Variants in SLC24A3 observed in about 807,000 individuals in gnomAD.
SLC24A3 encodes solute carrier family 24 member 3, also known as sodium/potassium/calcium exchanger 3.
In SLC24A3, 28 loss-of-function variants were observed where a neutral mutation model predicts 75.8. The ratio of observed to expected loss-of-function variants is 0.37; its 90% CI spans 0.27 to 0.51. The LOEUF (loss-of-function observed/expected upper bound fraction) is 0.51. Ranked by LOEUF, SLC24A3 falls within the 20% of genes least tolerant of loss-of-function variation. The pLI is 0.94. For missense variants in SLC24A3, 663 were observed against 847.8 expected (o/e 0.78, Z 2.71); for synonymous variants, 372 against 334.1 (o/e 1.11, Z -1.24).
intron 2 of SLC24A3, among the ~76,000 whole-genome samples, chr20:19,438,216 G>C (rs1259641052): frequency 6.6e-6 from 1 of 152,200 alleles, no homozygotes; most frequent in African/African-American, 2.4e-5. Context: ...GCTGGTCTTT[G>C]AGCACACAAA....
At chr20:19,426,525 C>G (rs1331754254) in intron 2 of SLC24A3, among the ~76,000 whole-genome samples, 2 of 152,190 alleles carry the variant, frequency 1.3e-5, no homozygotes, top group African/African-American at 2.4e-5. Flanking sequence ...AATTGTTTAT[C>G]TAGCCAGTGT....
intron 3 of SLC24A3, among the ~76,000 whole-genome samples, chr20:19,540,488 A>G (rs894112071): frequency 1.3e-5 from 2 of 152,168 alleles, no homozygotes; most frequent in Non-Finnish European, 2.9e-5. Context: ...GGAAACGCAA[A>G]AGCTGTTCTT....
intron 12 of SLC24A3, among the ~76,000 whole-genome samples, chr20:19,685,715 T>C (rs1255236446): frequency 6.6e-6 from 1 of 152,154 alleles, no homozygotes; most frequent in Non-Finnish European, 1.5e-5. Context: ...GTGCTGCAGC[T>C]GAGGAGATAG....
intron 2 of SLC24A3, among the ~76,000 whole-genome samples, chr20:19,513,328 A>C (rs6112433): frequency 0.1 from 15,762 of 152,252 alleles, 883 homozygotes; most frequent in South Asian, 0.11. Flanking sequence ...ATGGAGCCCA[A>C]GCATGTTGCC....
chr20:19,295,684 T>C (rs1984040846), intron 2 of SLC24A3, among the ~76,000 whole-genome samples: 1 of 152,226 alleles, frequency 6.6e-6, no homozygotes, highest in African/African-American at 2.4e-5. Context: ...TGAACCAGCC[T>C]TGCATCAGGG....
intron 3 of SLC24A3, among the ~76,000 whole-genome samples, chr20:19,551,281 G>A (rs2030688927): frequency 6.6e-6 from 1 of 152,202 alleles, no homozygotes; most frequent in African/African-American, 2.4e-5. Context: ...TGGAATGCAT[G>A]AATTTGAAGT....
At chr20:19,272,126 G>A (rs1385767969) in intron 1 of SLC24A3, among the ~76,000 whole-genome samples, 3 of 152,204 alleles carry the variant, frequency 2.0e-5, no homozygotes, top group Non-Finnish European at 4.4e-5. Context: ...TGTGCTGCCC[G>A]CCCAGCCACT....
In SLC24A3 at chr20:19,721,090, G is replaced by C. The variant is rs1407295264; in HGVS notation, c.1885G>C (p.Glu629Gln). The C allele has an allele frequency of 2.5e-6, 4 of 1,614,028 alleles. No homozygotes were observed. In the African/African-American group the frequency reaches 5.3e-5, roughly 22 times the overall value. The change falls in exon 17 of 17, where the codon GAG (glutamate) becomes CAG (glutamine). Residue 629 changes from glutamate to glutamine, a missense_variant. Glu to Gln is a conservative substitution (Grantham distance 29, BLOSUM62 2). Around this residue, in one of 2 missense-constraint regions of SLC24A3, gnomAD observed 510 missense variants for 703.6 expected, o/e 0.72. Transcript: ENST00000328041. ...GTTCCTGTGCTTCTCCATCATGACTGAGTTCAACGTGTTCACCTTTGTGAA... is the reference window on the plus strand; with the variant it reads ...GTTCCTGTGCTTCTCCATCATGACTCAGTTCAACGTGTTCACCTTTGTGAA... ...GVFLCFSIMT[E>Q]FNVFTFVNLP... is the part of the protein sequence containing the mutation.
chr20:19,327,207 C>G (rs919491233), intron 2 of SLC24A3, among the ~76,000 whole-genome samples: 1 of 152,158 alleles, frequency 6.6e-6, no homozygotes, highest in Admixed American at 6.5e-5. Flanking sequence ...TTGAGCTTGT[C>G]CAGCTATTGA....
At chr20:19,333,596 A>G (rs1985049958) in intron 2 of SLC24A3, among the ~76,000 whole-genome samples, 1 of 151,740 alleles carries the variant, frequency 6.6e-6, no homozygotes, top group Non-Finnish European at 1.5e-5. Flanking sequence ...AGCAAACAAT[A>G]TGTTACTGGT....
intron 14 of SLC24A3, among the ~76,000 whole-genome samples, chr20:19,697,812 G>T (rs1265105015): frequency 6.6e-6 from 1 of 152,234 alleles, no homozygotes; most frequent in African/African-American, 2.4e-5. Context: ...GTATGCAGGT[G>T]TGAGCTCGGG....
chr20:19,552,091 T>A (rs1050554962), intron 3 of SLC24A3, among the ~76,000 whole-genome samples: 3 of 152,228 alleles, frequency 2.0e-5, no homozygotes, highest in African/African-American at 7.2e-5. Context: ...TTAGGGAAAC[T>A]TTTTCCCCGT....
intron 2 of SLC24A3, among the ~76,000 whole-genome samples, chr20:19,352,111 T>G (rs1287085199): frequency 4.1e-5 from 6 of 147,678 alleles, no homozygotes. Context: ...AGCCTTGGCC[T>G]GAACCATTGT....
intron 2 of SLC24A3, among the ~76,000 whole-genome samples, chr20:19,424,726 CTCAAAAAAAAAACAACAA>C (rs1986971302): frequency 1.7e-5 from 1 of 60,094 alleles, no homozygotes; most frequent in Admixed American, 2.2e-4. Flanking sequence ...GAGACCCTTT[CTCAAAAAAAAAACAACAA>C]CAAAAAAAAA....
chr20:19,711,747 C>T (rs2032996121), intron 15 of SLC24A3, among the ~76,000 whole-genome samples: 1 of 152,046 alleles, frequency 6.6e-6, no homozygotes, highest in Non-Finnish European at 1.5e-5. Flanking sequence ...TCAAGCAATT[C>T]TCCTGCTTCA....
intron 2 of SLC24A3, among the ~76,000 whole-genome samples, chr20:19,438,513 C>T (rs1298546642): frequency 6.6e-6 from 1 of 152,062 alleles, no homozygotes; most frequent in Admixed American, 6.5e-5. Context: ...CTGCACCCGA[C>T]ACCCCCATAC....
At chr20:19,507,404 G>A (rs772846622) in intron 2 of SLC24A3, among the ~76,000 whole-genome samples, 40 of 152,304 alleles carry the variant, frequency 2.6e-4, no homozygotes, top group Admixed American at 8.5e-4. Context: ...AACAGCCCCC[G>A]AAGATCAGTG....
intron 1 of SLC24A3, among the ~76,000 whole-genome samples, chr20:19,232,893 C>T (rs188445731): frequency 6.6e-6 from 1 of 152,150 alleles, no homozygotes; most frequent in South Asian, 2.1e-4. Context: ...CAAGTGTAGG[C>T]AAAAGCGTAG....
At chr20:19,587,711 T>C (rs1191504716) in intron 6 of SLC24A3, among the ~76,000 whole-genome samples, 4 of 152,216 alleles carry the variant, frequency 2.6e-5, no homozygotes, top group Admixed American at 2.6e-4. Context: ...TGCCATTTTC[T>C]GGCTGTGGAA....
Sources: allele counts gnomAD v4.1 joint callset (sites outside exome capture counted in the v4.1 genomes callset), GRCh38; gene constraint gnomAD v4.1.1; regional missense constraint gnomAD v4.1.1; transcripts MANE v1.5; gene names NCBI Gene and HGNC (gene_info 2026-07-23, HGNC 2026-07-21).